INSRR: variants seen among roughly 807,000 people sequenced by gnomAD.
The protein encoded by INSRR is insulin receptor related receptor.
A neutral mutation model predicts 130.0 loss-of-function variants in INSRR; 114 were observed. The observed-to-expected ratio is 0.88, with a 90% confidence interval of 0.75 to 1.02. The LOEUF (loss-of-function observed/expected upper bound fraction) is 1.02, where lower values mean the gene tolerates loss of function less well. Ranked by LOEUF, INSRR falls within the 50% of genes least tolerant of loss-of-function variation. The pLI, the probability that INSRR is intolerant of heterozygous loss-of-function variation, is 0.00. For missense variants in INSRR, 1,657 were observed against 1,735.2 expected (o/e 0.95, Z 0.80); for synonymous variants, 674 against 705.2 (o/e 0.96, Z 0.70).
At position 156,841,044 on chromosome 1, in the gene INSRR, G is replaced by A. The variant is rs1320179426; in HGVS notation, c.3723C>T (p.His1241=). The change falls in exon 22 of 22, where the codon CAC becomes CAT. Residue 1241 remains histidine, a synonymous_variant. Coordinates refer to ENST00000368195, the MANE Select transcript of INSRR (RefSeq NM_014215.3). The part of the protein sequence containing the change: ...PNPRLRPSFT[H]ILDSIQEELR... ...GCTCCTCCTGTATGCTGTCCAGAATGTGTGTGAAAGATGGGCGCAGGCGTG... is the reference window on the plus strand; with the variant it reads ...GCTCCTCCTGTATGCTGTCCAGAATATGTGTGAAAGATGGGCGCAGGCGTG... 1.3e-6 allele frequency: 2 copies of A among 1,596,370 alleles called. No individual in the cohort carries two copies. The highest frequency in any genetic ancestry group is 1.3e-5 in the African/African-American group (1 of 74,768).
At chr1:156,846,962 A>T (rs1485311310) in intron 7 of INSRR, among the ~76,000 whole-genome samples, 1 of 152,172 alleles carries the variant, frequency 6.6e-6, no homozygotes, top group Non-Finnish European at 1.5e-5. Flanking sequence ...ATTTGTAATG[A>T]TATAGCTCCT....
chr1:156,841,086 G>A lies in INSRR; in HGVS notation c.3681C>T (p.Arg1227=). ...CPLQLQELMS[R]CWQPNPRLRP... ...GCAGGCGTGGGTTCGGCTGCCAGCA[G>A]CGGCTCATCAGCTCCTGCCTGGTGG... The change falls in exon 22 of 22, where the codon CGC becomes CGT. Residue 1227 remains arginine (R), a synonymous_variant. Coordinates refer to ENST00000368195, the MANE Select transcript of INSRR (RefSeq NM_014215.3). The A allele has an allele frequency of 6.4e-7, 1 of 1,564,238 alleles. No homozygotes were observed.
rs769022046 is a variant in INSRR, at chr1:156,843,417, C to T, written c.2896+10G>A. ...TCCCACACCACCTGTCCACCCACTC[C>T]CAGACCTACTATCAGAGGCGCTGAA... On this transcript the variant is annotated intron_variant, in intron 16 of 21. Coordinates refer to ENST00000368195, the MANE Select transcript of INSRR (RefSeq NM_014215.3). 4 of 1,613,962 alleles carry T rather than the reference C, an allele frequency of 2.5e-6. No individual in the cohort carries two copies. The African/African-American group carries it at 5.3e-5, about 22-fold the overall frequency.
intron 1 of INSRR, among the ~76,000 whole-genome samples, chr1:156,855,212 T>TATCTATC (rs60194471): frequency 0.074 from 2,116 of 28,428 alleles, 17 homozygotes; most frequent in African/African-American, 0.1. Context: ...ATCTATCTAT[T>TATCTATC]TATTTATTTG....
chr1:156,858,695 T>C lies in INSRR; in HGVS notation c.-74A>G. The stretch of plus-strand genomic sequence containing the variant: ...CTGGGGAGAACGGTGTGATAAGCCC[T>C]AAGGGACACAGAGACCAGGGTTCAG... On this transcript the variant is annotated 5_prime_UTR_variant, in exon 1 of 22. The change abolishes the stop of an existing upstream ORF in the 5' untranslated region. Coordinates refer to ENST00000368195, the MANE Select transcript of INSRR (RefSeq NM_014215.3). 7.8e-7 allele frequency: 1 copy of C among 1,279,562 alleles called. No homozygotes were observed. The highest frequency in any genetic ancestry group is 1.1e-6 in the Non-Finnish European group (1 of 876,998). 79.3% of individuals were successfully genotyped at this position (1,279,562 alleles called of 1,614,324 possible). A position where few individuals can be genotyped will look rare whatever the true frequency, so the allele number is the denominator to read the frequency against.
At chr1:156,844,413 C>T in intron 14 of INSRR, 49 bp downstream of exon 14, 1 of 1,590,504 alleles carries the variant, frequency 6.3e-7, no homozygotes, top group Middle Eastern at 1.7e-4. Flanking sequence ...GGCTGGGGAC[C>T]AGGTAGGGCT....
Position 156,851,383 on chromosome 1 carries a change from G to A in INSRR, c.1136C>T (p.Thr379Ile). Residue 379 changes from threonine to isoleucine, a missense_variant, in exon 5 of 22, where the codon ACT (threonine) becomes ATT (isoleucine). Transcript: ENST00000368195. ...QHSLGLVETI[T>I]GFLKIKHSFA... ...GGAGTGCTTGATTTTGAGGAAGCCA[G>A]TAATGGTTTCTACCAGCCCCAGGCT... 1.2e-6 allele frequency: 2 copies of A among 1,614,100 alleles called. No homozygotes were observed. Among genetic ancestry groups the A allele is most frequent in the Non-Finnish European group, 1.7e-6 (2 of 1,179,946 alleles).
Position 156,843,261 on chromosome 1 carries a change from G to A in INSRR, c.2897-28C>T, listed in dbSNP as rs373273429. The A allele has an allele frequency of 2.4e-5, 38 of 1,604,642 alleles. No individual in the cohort carries two copies. In the East Asian group the frequency reaches 5.4e-4, roughly 23 times the overall value. ...GCAAGGAGGTGGAGGGTCACAAAGC[G>A]AGGATGCTGCTCTCTGCCACACCTC... On this transcript the variant is annotated intron_variant, in intron 16 of 21. Transcript: ENST00000368195.
chr1:156,851,349 G>A lies in INSRR; in HGVS notation c.1170C>T (p.Leu390=), dbSNP rs745939967. 21 of 1,614,118 alleles carry A rather than the reference G, an allele frequency of 1.3e-5. No homozygotes were observed. The highest frequency in any genetic ancestry group is 1.5e-5 in the Non-Finnish European group (18 of 1,179,974). Residue 390 remains leucine, a synonymous_variant, in exon 5 of 22, where the codon CTC becomes CTT. Transcript: ENST00000368195. ...GGTTCTTGAAAAAGCCCAGGGACAC[G>A]AGGGCAAAGGAGTGCTTGATTTTGA... ...GFLKIKHSFA[L]VSLGFFKNLK... is the part of the protein sequence containing the mutation.
At chr1:156,845,343 C>G in intron 11 of INSRR, 29 bp downstream of exon 11, 1 of 1,606,414 alleles carries the variant, frequency 6.2e-7, no homozygotes, top group Non-Finnish European at 8.5e-7. Flanking sequence ...AAAGCCACGC[C>G]CCTCAGCACC....
At chr1:156,841,277 T>C (rs1209591314) in intron 21 of INSRR, 117 bp downstream of exon 21, 1 of 1,089,918 alleles carries the variant, frequency 9.2e-7, no homozygotes, top group Non-Finnish European at 1.4e-6. Flanking sequence ...GTGGCGCTCA[T>C]AGCTGAGGGT....
At chr1:156,846,220 C>A (rs911323993) in intron 8 of INSRR, 101 bp from the exon 9 acceptor site, 21 of 1,253,614 alleles carry the variant, frequency 1.7e-5, no homozygotes, top group Middle Eastern at 2.0e-4. Context: ...CCTTGTTCTC[C>A]CAAAGAATAG....
In INSRR at chr1:156,842,165, T is replaced by C. The variant is rs1654819440; in HGVS notation, c.3344A>G (p.Asp1115Gly). The change falls in exon 19 of 22, where the codon GAT becomes GGT. Residue 1115 changes from aspartate (D) to glycine (G), a missense_variant. Transcript: ENST00000368195. ...YLAANKFVHRDLAARNCMVSQ... is the reference protein window; with the variant it reads ...YLAANKFVHRGLAARNCMVSQ... ...CACCATGCAGTTGCGGGCTGCTAGA[T>C]CTCGGTGCACAAACTTGTTGGCAGC... 6.2e-7 allele frequency: 1 copy of C among 1,614,068 alleles called. No homozygotes were observed.
At chr1:156,852,726 A>G (rs1183412368) in intron 2 of INSRR, among the ~76,000 whole-genome samples, 3 of 152,202 alleles carry the variant, frequency 2.0e-5, no homozygotes, top group Admixed American at 2.0e-4. Flanking sequence ...TCGCCTAGAA[A>G]CTGCACAGTG....
At chr1:156,842,560 G>A in intron 17 of INSRR, 52 bp from the exon 18 acceptor site, 1 of 1,463,262 alleles carries the variant, frequency 6.8e-7, no homozygotes, top group South Asian at 1.1e-5. Flanking sequence ...TGACCCATTT[G>A]GCCAAAATTC....
chr1:156,849,270 G>C lies in INSRR; in HGVS notation c.1420C>G (p.Arg474Gly), dbSNP rs1176849796. The change falls in exon 6 of 22, where the codon CGC becomes GGC. Residue 474 changes from arginine to glycine, a missense_variant. By Grantham distance (125) the Arg-to-Gly change is moderately radical (BLOSUM62 -2). Transcript: ENST00000368195. The part of the protein sequence containing the change: ...GRQNKAEINP[R>G]TNGDRAACQT... ...CAGGCGGCGCGGTCTCCGTTGGTGCGGGGGTTGATCTCAGCCTTGTTCTGC... is the reference window on the plus strand; with the variant it reads ...CAGGCGGCGCGGTCTCCGTTGGTGCCGGGGTTGATCTCAGCCTTGTTCTGC... 5 of 1,613,924 alleles carry C rather than the reference G, an allele frequency of 3.1e-6. No individual in the cohort carries two copies. In the Admixed American group the frequency reaches 6.7e-5, roughly 22 times the overall value.
rs898778039 is a variant in INSRR, at chr1:156,858,854, A to C, written c.-233T>G. ...GTTGGAGACAGAGAGACTCAGCATG[A>C]GATTGAGAGATGGGGACAGAGATGC... On this transcript the variant is annotated 5_prime_UTR_variant, in exon 1 of 22. Coordinates refer to ENST00000368195, the MANE Select transcript of INSRR (RefSeq NM_014215.3). The C allele has an allele frequency of 1.8e-6, 1 of 569,048 alleles. No individual in the cohort carries two copies. The highest frequency in any genetic ancestry group is 1.9e-5 in the African/African-American group (1 of 53,374). The allele number at this position is 569,048 out of a possible 1,614,324, so 35.2% of individuals were successfully genotyped here.
rs892563234 is a variant in INSRR at position 156,844,550 on chromosome 1, A to G, written c.2649T>C (p.Pro883=). The part of the protein sequence containing the change: ...FGGVHLALLP[P]GNYSARVRAT... Reference sequence around the variant, plus strand: ...CCCTAACCCTGGCAGAGTAGTTTCCAGGGGGCAGCAGGGCCAGGTGGACTC... The same window carrying G: ...CCCTAACCCTGGCAGAGTAGTTTCCGGGGGGCAGCAGGGCCAGGTGGACTC... Residue 883 remains proline, a synonymous_variant, in exon 14 of 22, where the codon CCT becomes CCC. Coordinates refer to ENST00000368195, the MANE Select transcript of INSRR (RefSeq NM_014215.3). 12 of 1,614,054 alleles carry G rather than the reference A, an allele frequency of 7.4e-6. No individual in the cohort carries two copies. Among genetic ancestry groups the G allele is most frequent in the African/African-American group, 1.3e-5 (1 of 74,922 alleles).
At chr1:156,845,869 C>G (rs1218396386) in intron 9 of INSRR, 55 bp from the exon 10 acceptor site, 8 of 1,597,738 alleles carry the variant, frequency 5.0e-6, no homozygotes, top group Non-Finnish European at 6.8e-6. Flanking sequence ...CGCCTCTGAT[C>G]CCCCCCACCT....
Sources: gnomAD v4.1 joint callset for allele counts (sites outside exome capture counted in the v4.1 genomes callset) on GRCh38, gnomAD v4.1.1 for gene constraint, MANE v1.5 for transcripts, NCBI Gene and HGNC (gene_info 2026-07-23, HGNC 2026-07-21) for gene names.